The following GRIK2 variants were observed in gnomAD, a reference collection of about 807,000 sequenced individuals.
The protein encoded by GRIK2 is glutamate ionotropic receptor kainate type subunit 2.
GRIK2 carries 32 observed loss-of-function variants against 100.3 expected under a neutral mutation model. That is an observed-to-expected ratio of 0.32 (90% confidence interval 0.24 to 0.43). The LOEUF (loss-of-function observed/expected upper bound fraction) is 0.43. Ranked by LOEUF, GRIK2 falls within the 20% of genes least tolerant of loss-of-function variation. The pLI, the probability that GRIK2 is intolerant of heterozygous loss-of-function variation, is 1.00. For synonymous variants in GRIK2, 417 were observed against 389.4 expected (o/e 1.07, Z -0.83); for missense variants, 843 against 1,114.9 (o/e 0.76, Z 3.47).
chr6:101,783,679 T>A (rs1779247277), intron 7 of GRIK2, among the ~76,000 whole-genome samples: 1 of 152,138 alleles, frequency 6.6e-6, no homozygotes, highest in Admixed American at 6.5e-5. Context: ...TTGACCAAAA[T>A]GTTGATAGTG....
At chr6:101,679,554 A>G (rs1193348204) in intron 5 of GRIK2, among the ~76,000 whole-genome samples, 2 of 152,182 alleles carry the variant, frequency 1.3e-5, no homozygotes, top group Admixed American at 6.6e-5. Flanking sequence ...TGTGCATACA[A>G]TTCACTCAAA....
At chr6:101,874,322 C>T (rs913116947) in intron 11 of GRIK2, among the ~76,000 whole-genome samples, 5 of 152,086 alleles carry the variant, frequency 3.3e-5, no homozygotes, top group African/African-American at 4.8e-5. Flanking sequence ...TATGGCTAGC[C>T]AGTTTTCCCA....
At chr6:101,725,358 C>G (rs1774787194) in intron 7 of GRIK2, among the ~76,000 whole-genome samples, 1 of 152,036 alleles carries the variant, frequency 6.6e-6, no homozygotes, top group Non-Finnish European at 1.5e-5. Flanking sequence ...AGAGTCCTCT[C>G]TATTGTAATT....
chr6:101,772,823 C>T (rs946037921), intron 7 of GRIK2, among the ~76,000 whole-genome samples: 1 of 151,948 alleles, frequency 6.6e-6, no homozygotes, highest in Non-Finnish European at 1.5e-5. Context: ...AAATTAAGTA[C>T]CCTTCTATTA....
chr6:101,432,128 C>T (rs1769442428), intron 2 of GRIK2, among the ~76,000 whole-genome samples: 1 of 152,166 alleles, frequency 6.6e-6, no homozygotes, highest in African/African-American at 2.4e-5. Context: ...GCAGATACCC[C>T]ATGCTCTCAT....
intron 15 of GRIK2, among the ~76,000 whole-genome samples, chr6:102,039,910 C>T (rs376486395): frequency 2.0e-5 from 3 of 151,500 alleles, no homozygotes; most frequent in African/African-American, 7.3e-5. Flanking sequence ...TTCCTCACAA[C>T]TTTAACAACA....
chr6:101,655,830 C>T (rs2128330885), intron 4 of GRIK2, among the ~76,000 whole-genome samples: 1 of 152,124 alleles, frequency 6.6e-6, no homozygotes. Flanking sequence ...TTAGGAGTTC[C>T]CTACAGAATT....
At chr6:101,876,252 T>G (rs1464757058) in intron 11 of GRIK2, among the ~76,000 whole-genome samples, 1 of 151,692 alleles carries the variant, frequency 6.6e-6, no homozygotes, top group Non-Finnish European at 1.5e-5. Flanking sequence ...ACCTGTACAT[T>G]TTTCCTCCTT....
chr6:101,532,583 T>C (rs1775498419), intron 2 of GRIK2, among the ~76,000 whole-genome samples: 1 of 151,392 alleles, frequency 6.6e-6, no homozygotes, highest in Non-Finnish European at 1.5e-5. Context: ...TATAACACTT[T>C]TAGGAAAGAG....
chr6:101,978,167 G>T (rs1325805445), intron 14 of GRIK2, among the ~76,000 whole-genome samples: 1 of 151,846 alleles, frequency 6.6e-6, no homozygotes, highest in Non-Finnish European at 1.5e-5. Context: ...GTATGGCTTG[G>T]ATATCAGTGT....
rs1779562948 is a variant in GRIK2 at position 101,609,070 on chromosome 6, G to A, written c.116-12879G>A. 2.0e-5 allele frequency among the ~76,000 whole-genome samples: 3 copies of A among 151,608 alleles called. No homozygotes were observed. In the South Asian group the frequency reaches 6.2e-4, roughly 31 times the overall value. On this transcript the variant is annotated intron_variant, in intron 2 of 16. Transcript: ENST00000369134. ...TCAGACTGCTTTTATATGAGTCCTT[G>A]TGGGTATGCATTAGTTTGCATGCAA...
intron 2 of GRIK2, among the ~76,000 whole-genome samples, chr6:101,570,285 A>G (rs1777468929): frequency 6.6e-6 from 1 of 152,106 alleles, no homozygotes. Context: ...AATGAATATG[A>G]TAATCTATGT....
intron 11 of GRIK2, 34 bp from the exon 12 acceptor site, chr6:101,889,605 CT>C (rs2243354): frequency 0.17 from 110,381 of 663,310 alleles, 18 homozygotes; most frequent in East Asian, 0.23. Flanking sequence ...TTCTTTCTTT[CT>C]TTTTTTTTTT....
At chr6:101,780,459 T>C (rs1355089262) in intron 7 of GRIK2, among the ~76,000 whole-genome samples, 1 of 152,176 alleles carries the variant, frequency 6.6e-6, no homozygotes, top group Non-Finnish European at 1.5e-5. Flanking sequence ...TCAAAAATGT[T>C]TGTAGTAATA....
intron 14 of GRIK2, among the ~76,000 whole-genome samples, chr6:102,016,907 A>G (rs1360279398): frequency 1.3e-5 from 2 of 152,208 alleles, no homozygotes; most frequent in Admixed American, 1.3e-4. Flanking sequence ...AGGGAAGCCC[A>G]TTAGATTAGC....
At chr6:101,884,174 G>A (rs578081670) in intron 11 of GRIK2, among the ~76,000 whole-genome samples, 1 of 152,176 alleles carries the variant, frequency 6.6e-6, no homozygotes, top group African/African-American at 2.4e-5. Flanking sequence ...GGAGAGTTTA[G>A]GAATGCGTGG....
At chr6:101,553,904 G>A (rs932390840) in intron 2 of GRIK2, among the ~76,000 whole-genome samples, 1 of 152,272 alleles carries the variant, frequency 6.6e-6, no homozygotes, top group South Asian at 2.1e-4. Flanking sequence ...CTTTGTACTT[G>A]CCTGCCCATA....
chr6:101,928,400 C>T lies in GRIK2; in HGVS notation c.1868-15C>T, dbSNP rs1396774419. 7.5e-7 allele frequency: 1 copy of T among 1,336,778 alleles called. No individual in the cohort carries two copies. Among genetic ancestry groups the T allele is most frequent in the African/African-American group, 1.4e-5 (1 of 69,672 alleles). The allele number at this position is 1,336,778 out of a possible 1,614,324, so 82.8% of individuals were successfully genotyped here. On this transcript the variant is annotated splice_polypyrimidine_tract_variant and intron_variant, in intron 13 of 16. Transcript: ENST00000369134. ...TTCTCTATATTCGTTTCACCTTTCC[C>T]CCACTCTCTGTTAGGTTCTGAGCTC...
intron 12 of GRIK2, among the ~76,000 whole-genome samples, chr6:101,911,119 G>C (rs576172153): frequency 6.6e-6 from 1 of 151,322 alleles, no homozygotes. Context: ...GAAATGAGCT[G>C]GTAAGGAGAG....
Sources: gnomAD v4.1 joint callset for allele counts (sites outside exome capture counted in the v4.1 genomes callset) on GRCh38, gnomAD v4.1.1 for gene constraint, MANE v1.5 for transcripts, NCBI Gene and HGNC (gene_info 2026-07-23, HGNC 2026-07-21) for gene names.